TAFA2: variants seen among roughly 807,000 people sequenced by gnomAD.
TAFA2 encodes the protein TAFA chemokine like family member 2.
In TAFA2, 7 loss-of-function variants were observed where a neutral mutation model predicts 18.8. That is an observed-to-expected ratio of 0.37 (90% CI 0.21 to 0.70). The LOEUF (loss-of-function observed/expected upper bound fraction) is 0.70, where lower values mean the gene tolerates loss of function less well. Ranked by LOEUF, TAFA2 falls within the 30% of genes least tolerant of loss-of-function variation. TAFA2 has a pLI of 0.53. For synonymous variants in TAFA2, 60 were observed against 54.2 expected, an observed-to-expected ratio of 1.11 and a Z score of -0.47; for missense variants, 122 against 158.1, an observed-to-expected ratio of 0.77 and a Z score of 1.23.
At chr12:62,046,001 A>G (rs10506434) in intron 1 of TAFA2, among the ~76,000 whole-genome samples, 19,779 of 152,174 alleles carry the variant, frequency 0.13, 1,644 homozygotes, top group African/African-American at 0.22. Context: ...TCTGAGGGAA[A>G]ATAAGATGAA....
chr12:61,883,020 A>G (rs779029117), intron 1 of TAFA2, among the ~76,000 whole-genome samples: 5 of 152,218 alleles, frequency 3.3e-5, no homozygotes, highest in Non-Finnish European at 5.9e-5. Context: ...AACCTAACTG[A>G]TCATTTAACA....
At chr12:61,854,676 T>C (rs1162783801) in intron 2 of TAFA2, among the ~76,000 whole-genome samples, 3 of 152,042 alleles carry the variant, frequency 2.0e-5, no homozygotes, top group Admixed American at 2.0e-4. Flanking sequence ...GAGAAAATAA[T>C]GGAGAAATAT....
intron 1 of TAFA2, among the ~76,000 whole-genome samples, chr12:62,225,292 T>C (rs965175355): frequency 6.6e-6 from 1 of 152,162 alleles, no homozygotes; most frequent in Non-Finnish European, 1.5e-5. Context: ...CAAATGGTGT[T>C]GGGACAATAA....
intron 1 of TAFA2, among the ~76,000 whole-genome samples, chr12:62,043,884 T>G (rs898403296): frequency 2.9e-4 from 44 of 152,168 alleles, no homozygotes; most frequent in African/African-American, 1.1e-3. Context: ...AAGGCTGTAT[T>G]AACAATTATG....
Position 61,840,095 on chromosome 12 carries a change from G to A in TAFA2, c.106+27225C>T, listed in dbSNP as rs201555895. Among the ~76,000 whole-genome samples the A allele has an allele frequency of 7.1e-4, 108 of 152,130 alleles. 2 individuals are homozygous for A. The highest frequency in any genetic ancestry group is 1.0e-3 in the Non-Finnish European group (71 of 67,976). On this transcript the variant is annotated intron_variant, in intron 2 of 4. Transcript: ENST00000416284. Reference sequence around the variant, plus strand: ...ACAAAAGGCCAAGGCTAGGAGATACGGTTGGAGCAGTAGGTCCTTGCTGTC... The same window carrying A: ...ACAAAAGGCCAAGGCTAGGAGATACAGTTGGAGCAGTAGGTCCTTGCTGTC...
At chr12:61,888,098 G>C (rs1055533414) in intron 1 of TAFA2, among the ~76,000 whole-genome samples, 1 of 152,034 alleles carries the variant, frequency 6.6e-6, no homozygotes, top group Non-Finnish European at 1.5e-5. Flanking sequence ...TGGAGAGGAT[G>C]TGGAGAAACA....
At chr12:62,216,649 T>C (rs1468815104) in intron 1 of TAFA2, among the ~76,000 whole-genome samples, 1 of 152,224 alleles carries the variant, frequency 6.6e-6, no homozygotes, top group African/African-American at 2.4e-5. Context: ...CACAGTATAC[T>C]ATTGTTGATC....
intron 1 of TAFA2, among the ~76,000 whole-genome samples, chr12:62,081,926 C>T (rs1055969517): frequency 6.6e-6 from 1 of 152,082 alleles, no homozygotes; most frequent in East Asian, 1.9e-4. Context: ...AGCTATTCTT[C>T]CTGATGCTCT....
chr12:62,214,258 T>C (rs1024132524), intron 1 of TAFA2, among the ~76,000 whole-genome samples: 5 of 152,178 alleles, frequency 3.3e-5, no homozygotes, highest in South Asian at 2.1e-4. Context: ...TGGGAGGTAA[T>C]TGAATTACGG....
chr12:61,772,682 G>A (rs965756916), intron 2 of TAFA2, among the ~76,000 whole-genome samples: 8 of 151,740 alleles, frequency 5.3e-5, no homozygotes, highest in Admixed American at 1.3e-4. Flanking sequence ...AAAACCCTCA[G>A]CAAAATCAGC....
At position 62,204,376 on chromosome 12, in the gene TAFA2, G is replaced by T. The variant is rs377224245; in HGVS notation, c.-130+54387C>A. On this transcript the variant is annotated intron_variant, in intron 1 of 5. Transcript: ENST00000551619. The stretch of plus-strand genomic sequence containing the variant: ...TTCTCTGGATTTCGTGAATTTGAAT[G>T]TTGGCCTGTCTTGCTAAGTTGGGAA... 2.6e-5 allele frequency among the ~76,000 whole-genome samples: 4 copies of T among 152,126 alleles called. No individual in the cohort carries two copies. The East Asian group carries it at 7.7e-4, about 29-fold the overall frequency.
intron 1 of TAFA2, among the ~76,000 whole-genome samples, chr12:61,933,619 C>T (rs943202285): frequency 2.0e-5 from 3 of 151,904 alleles, no homozygotes; most frequent in Admixed American, 6.6e-5. Context: ...AAGCTGAGGC[C>T]GACAGGAGAC....
intron 1 of TAFA2, among the ~76,000 whole-genome samples, chr12:61,930,035 TAGG>T (rs1448944817): frequency 6.6e-6 from 1 of 151,348 alleles, no homozygotes; most frequent in African/African-American, 2.5e-5. Context: ...GGGATAGCAT[TAGG>T]AGGTCTACCT....
intron 1 of TAFA2, among the ~76,000 whole-genome samples, chr12:62,226,448 C>T (rs1184125513): frequency 2.6e-5 from 4 of 152,178 alleles, no homozygotes; most frequent in African/African-American, 4.8e-5. Context: ...CCACCCTCCT[C>T]GGCCTCCCAA....
rs186460489 is a variant in TAFA2, at chr12:62,086,064, T to C, written c.-2+105195A>G. ...AGGTCTCCCAAGAAGCAGAAGCATA[T>C]ACAGCCTGCAGAACCATGAGCGAAT... On this transcript the variant is annotated intron_variant, in intron 1 of 4. Coordinates refer to ENST00000416284, the MANE Select transcript of TAFA2 (RefSeq NM_178539.5). 4.0e-3 allele frequency among the ~76,000 whole-genome samples: 613 copies of C among 152,190 alleles called. 5 individuals are homozygous for C. The highest frequency in any genetic ancestry group is 9.0e-3 in the Admixed American group (137 of 15,262).
At chr12:62,206,050 C>A (rs1040607367) in intron 1 of TAFA2, among the ~76,000 whole-genome samples, 1 of 152,122 alleles carries the variant, frequency 6.6e-6, no homozygotes, top group African/African-American at 2.4e-5. Context: ...TCACGCCAAC[C>A]GCCTAGTCAG....
At chr12:62,240,736 A>G (rs2136989523) in intron 1 of TAFA2, among the ~76,000 whole-genome samples, 1 of 152,266 alleles carries the variant, frequency 6.6e-6, no homozygotes, top group Admixed American at 6.5e-5. Flanking sequence ...CAGGCCACGG[A>G]CCGGTAGCAG....
At chr12:61,891,616 C>T (rs1325778077) in intron 1 of TAFA2, among the ~76,000 whole-genome samples, 1 of 151,866 alleles carries the variant, frequency 6.6e-6, no homozygotes, top group African/African-American at 2.4e-5. Flanking sequence ...CCATTGCACT[C>T]CAGCCTGGGC....
chr12:61,909,421 G>A (rs1876506347), intron 1 of TAFA2, among the ~76,000 whole-genome samples: 1 of 152,142 alleles, frequency 6.6e-6, no homozygotes, highest in Admixed American at 6.6e-5. Context: ...ATCATCATAT[G>A]GGAAAATGTC....
Sources: gnomAD v4.1 joint callset for allele counts (sites outside exome capture counted in the v4.1 genomes callset) on GRCh38, gnomAD v4.1.1 for gene constraint, MANE v1.5 for transcripts, NCBI Gene and HGNC (gene_info 2026-07-23, HGNC 2026-07-21) for gene names.